The following BFSP2 variants were observed in gnomAD, a reference collection of about 807,000 sequenced individuals.
BFSP2 encodes phakinin.
BFSP2 carries 38 observed loss-of-function variants against 44.9 expected under a neutral mutation model. The observed-to-expected ratio is 0.85, with a 90% confidence interval of 0.65 to 1.11. The LOEUF (loss-of-function observed/expected upper bound fraction) is 1.11. Among genes scored for constraint, BFSP2 ranks in the 50% least tolerant of loss-of-function variants. BFSP2 has a pLI of 0.00. For synonymous variants in BFSP2, 197 were observed against 209.9 expected (o/e 0.94, Z 0.53); for missense variants, 525 against 533.0 (o/e 0.99, Z 0.15).
intron 5 of BFSP2, among the ~76,000 whole-genome samples, chr3:133,468,391 T>C (rs2074131765): frequency 6.6e-6 from 1 of 152,190 alleles, no homozygotes; most frequent in African/African-American, 2.4e-5. Flanking sequence ...CTTAGTAGCT[T>C]AAGACAACAG....
chr3:133,438,951 A>C (rs1442977934), intron 1 of BFSP2, among the ~76,000 whole-genome samples: 1 of 152,232 alleles, frequency 6.6e-6, no homozygotes, highest in East Asian at 1.9e-4. Context: ...TAAAACAAGC[A>C]CAGTCTGTGA....
In BFSP2 at chr3:133,459,785, C is replaced by T. The variant is rs150550290; in HGVS notation, c.892-7043C>T. Among the ~76,000 whole-genome samples, 232 of 152,334 alleles carry T rather than the reference C, an allele frequency of 1.5e-3. 1 individual carries two copies. Among genetic ancestry groups the T allele is most frequent in the African/African-American group, 5.3e-3 (222 of 41,576 alleles). On this transcript the variant is annotated intron_variant, in intron 4 of 6. Transcript: ENST00000302334. Reference sequence around the variant, plus strand: ...TCAAAAGCTATCCTTAGCTAAATAACATATGACACCACGTAACTGTAAAAT... The same window carrying T: ...TCAAAAGCTATCCTTAGCTAAATAATATATGACACCACGTAACTGTAAAAT...
At position 133,448,592 on chromosome 3, in the gene BFSP2, C is replaced by A; in HGVS notation, c.676C>A (p.Gln226Lys). The change falls in exon 3 of 7, where the codon CAA (glutamine) becomes AAA (lysine). Residue 226 changes from glutamine to lysine, a missense_variant. Physicochemically the swap from Gln to Lys is moderately conservative, Grantham distance 53 (BLOSUM62 1). Coordinates refer to ENST00000302334, the MANE Select transcript of BFSP2 (RefSeq NM_003571.4). ...TTTGACTAAAATGGACCTGGAGAGTCAAATAGAAAGTCTGAAAGAAGAACT... is the reference window on the plus strand; with the variant it reads ...TTTGACTAAAATGGACCTGGAGAGTAAAATAGAAAGTCTGAAAGAAGAACT... ...ANLTKMDLES[Q>K]IESLKEELGS... 6.2e-7 allele frequency: 1 copy of A among 1,612,362 alleles called. No homozygotes were observed. Among genetic ancestry groups the A allele is most frequent in the Non-Finnish European group, 8.5e-7 (1 of 1,179,166 alleles).
intron 1 of BFSP2, chr3:133,410,003 C>T (rs2073435278): frequency 1.8e-5 from 3 of 170,370 alleles, no homozygotes; most frequent in South Asian, 1.7e-4. Flanking sequence ...ACAAGAAAGG[C>T]GGGATCAGGA....
At chr3:133,425,593 G>C (rs942049377) in intron 1 of BFSP2, among the ~76,000 whole-genome samples, 1 of 152,110 alleles carries the variant, frequency 6.6e-6, no homozygotes, top group African/African-American at 2.4e-5. Context: ...AGAATGTCCA[G>C]TTGATATATT....
chr3:133,466,339 T>C (rs150226248), intron 4 of BFSP2, among the ~76,000 whole-genome samples: 89 of 152,004 alleles, frequency 5.9e-4, no homozygotes, highest in African/African-American at 2.1e-3. Context: ...ATGTTCAAAA[T>C]AAATACATTT....
intron 4 of BFSP2, among the ~76,000 whole-genome samples, chr3:133,452,976 A>T (rs1282747037): frequency 6.6e-6 from 1 of 152,234 alleles, no homozygotes; most frequent in Non-Finnish European, 1.5e-5. Flanking sequence ...CAGTAACTCA[A>T]ACATTAATTC....
chr3:133,448,575 A>C lies in BFSP2; in HGVS notation c.659A>C (p.Lys220Thr). Reference sequence around the variant, plus strand: ...GTCATTGATGAGGCTAATTTGACTAAAATGGACCTGGAGAGTCAAATAGAA... The same window carrying C: ...GTCATTGATGAGGCTAATTTGACTACAATGGACCTGGAGAGTCAAATAGAA... ...YKVIDEANLT[K>T]MDLESQIESL... is the part of the protein sequence containing the mutation. Residue 220 changes from lysine (K) to threonine (T), a missense_variant, in exon 3 of 7, where the codon AAA becomes ACA. Physicochemically the swap from Lys to Thr is moderately conservative, Grantham distance 78 (BLOSUM62 -1). Coordinates refer to ENST00000302334, the MANE Select transcript of BFSP2 (RefSeq NM_003571.4). 1.2e-6 allele frequency: 2 copies of C among 1,614,158 alleles called. No individual in the cohort carries two copies. The highest frequency in any genetic ancestry group is 1.7e-6 in the Non-Finnish European group (2 of 1,180,020).
At chr3:133,420,845 TCCTA>T (rs1156319108) in intron 1 of BFSP2, among the ~76,000 whole-genome samples, 13 of 152,168 alleles carry the variant, frequency 8.5e-5, no homozygotes, top group African/African-American at 2.4e-4. Context: ...GAATCCACAC[TCCTA>T]CCTGTCTCAC....
intron 1 of BFSP2, among the ~76,000 whole-genome samples, chr3:133,437,532 A>G (rs2073800403): frequency 6.6e-6 from 1 of 151,838 alleles, no homozygotes; most frequent in Non-Finnish European, 1.5e-5. Context: ...TCAAAAAACA[A>G]AACAAACAAA....
chr3:133,475,080 G>A lies in BFSP2; in HGVS notation c.*108G>A. 6.7e-7 allele frequency: 1 copy of A among 1,486,300 alleles called. No individual in the cohort carries two copies. Among genetic ancestry groups the A allele is most frequent in the Non-Finnish European group, 9.4e-7 (1 of 1,064,884 alleles). 92.1% of individuals were successfully genotyped at this position (1,486,300 alleles called of 1,614,324 possible). ...AGCTCCAGTCCCTGCTGGATTCCCT[G>A]GTTAATTCAGCTTGAGCTGAAAAGC... On this transcript the variant is annotated 3_prime_UTR_variant, in exon 7 of 7. Coordinates refer to ENST00000302334, the MANE Select transcript of BFSP2 (RefSeq NM_003571.4).
At chr3:133,433,028 T>A (rs1474945846) in intron 1 of BFSP2, among the ~76,000 whole-genome samples, 1 of 152,124 alleles carries the variant, frequency 6.6e-6, no homozygotes. Context: ...CAAAATCGAT[T>A]TTCTTCCTCA....
intron 1 of BFSP2, among the ~76,000 whole-genome samples, chr3:133,425,279 G>A (rs991148953): frequency 6.6e-6 from 1 of 152,210 alleles, no homozygotes; most frequent in African/African-American, 2.4e-5. Context: ...GTCTAGAAGG[G>A]ATGAAGTGTA....
At chr3:133,410,615 C>T (rs1202748097) in intron 1 of BFSP2, 1 of 297,804 alleles carries the variant, frequency 3.4e-6, no homozygotes, top group Non-Finnish European at 6.8e-6. Flanking sequence ...ATCAGTCTTT[C>T]CCACCTTCGT....
intron 1 of BFSP2, among the ~76,000 whole-genome samples, chr3:133,431,643 C>G (rs56390959): frequency 6.6e-6 from 1 of 151,986 alleles, no homozygotes; most frequent in African/African-American, 2.4e-5. Context: ...TCACGGACGC[C>G]GAGCTTTAGG....
chr3:133,431,338 C>T (rs1185976691), intron 1 of BFSP2, among the ~76,000 whole-genome samples: 2 of 152,214 alleles, frequency 1.3e-5, no homozygotes, highest in African/African-American at 2.4e-5. Context: ...CACACAAGAA[C>T]TTCCAAACAC....
At chr3:133,434,432 A>G (rs2073760441) in intron 1 of BFSP2, among the ~76,000 whole-genome samples, 1 of 152,068 alleles carries the variant, frequency 6.6e-6, no homozygotes, top group Admixed American at 6.6e-5. Context: ...GCCCTGAGAA[A>G]CATCGCCCAT....
intron 4 of BFSP2, among the ~76,000 whole-genome samples, chr3:133,452,000 T>G (rs1334109623): frequency 6.6e-6 from 1 of 152,194 alleles, no homozygotes; most frequent in African/African-American, 2.4e-5. Flanking sequence ...GAGCTCTTGA[T>G]TACTATTTAG....
chr3:133,460,622 C>A (rs969205568), intron 4 of BFSP2, among the ~76,000 whole-genome samples: 3 of 152,040 alleles, frequency 2.0e-5, no homozygotes, highest in African/African-American at 4.8e-5. Flanking sequence ...GGCCTTTGTC[C>A]CCGGGGGGCT....
Sources: allele counts gnomAD v4.1 joint callset (sites outside exome capture counted in the v4.1 genomes callset), GRCh38; gene constraint gnomAD v4.1.1; transcripts MANE v1.5; gene names NCBI Gene and HGNC (gene_info 2026-07-23, HGNC 2026-07-21).